IQANK1: variants seen among roughly 807,000 people sequenced by gnomAD.
The protein encoded by IQANK1 is IQ motif and ankyrin repeat domain-containing protein 1.
In IQANK1, 30 loss-of-function variants were observed where a neutral mutation model predicts 22.6. The observed-to-expected ratio is 1.33, with a 90% CI of 0.99 to 1.80. The LOEUF (loss-of-function observed/expected upper bound fraction) is 1.80, where lower values mean the gene tolerates loss of function less well. Among genes scored for constraint, IQANK1 ranks in the 40% most tolerant of loss-of-function variants. The pLI is 0.00. For missense variants in IQANK1, 275 were observed against 235.2 expected, an observed-to-expected ratio of 1.17 and a Z score of -1.11; for synonymous variants, 122 against 99.6, an observed-to-expected ratio of 1.23 and a Z score of -1.34.
rs1819649518 is a variant in IQANK1, at chr8:143,774,558, A to G, written c.789+2076A>G. 6.6e-6 allele frequency among the ~76,000 whole-genome samples: 1 copy of G among 152,110 alleles called. No individual in the cohort carries two copies. The highest frequency in any genetic ancestry group is 1.5e-5 in the Non-Finnish European group (1 of 68,018). On this transcript the variant is annotated intron_variant, in intron 7 of 13. Transcript: ENST00000527139. This position sits in a 1 kb window ranked among gnomAD's most constrained non-coding sequence, Gnocchi z 4.2. ...GGCCCTGCCACACCTTGCTGGGGGG[A>G]CGCAGCACCAGTACAGCCGCTCTTG...
intron 3 of IQANK1, among the ~76,000 whole-genome samples, chr8:143,749,412 TA>T (rs1252941903): frequency 1.5e-5 from 2 of 130,522 alleles, no homozygotes; most frequent in Non-Finnish European, 3.1e-5. Context: ...TCATATCATA[TA>T]TAATATATAC....
At chr8:143,747,910 GTCCTTTCCTTTCCTT>G (rs71318621) in intron 3 of IQANK1, among the ~76,000 whole-genome samples, 17,540 of 106,208 alleles carry the variant, frequency 0.17, 1,537 homozygotes, top group East Asian at 0.42. Context: ...ATTGTGTTAA[GTCCTTTCCTTTCCTT>G]TCCTTTCCTT....
chr8:143,772,736 T>G (rs1819605992), intron 7 of IQANK1, among the ~76,000 whole-genome samples: 1 of 152,220 alleles, frequency 6.6e-6, no homozygotes, highest in Non-Finnish European at 1.5e-5. Flanking sequence ...CTCGTCAGTC[T>G]GCAGTGGAAG....
chr8:143,753,674 C>T lies in IQANK1; in HGVS notation c.175+13726C>T, dbSNP rs948511767. The stretch of plus-strand genomic sequence containing the variant: ...TTCACCGTGTTGGCCAGGCTGTTCT[C>T]GAACTCCTGACCTCAGGTGACCTGC... On this transcript the variant is annotated intron_variant, in intron 3 of 13. Transcript: ENST00000527139. Among the ~76,000 whole-genome samples the T allele has an allele frequency of 1.4e-4, 21 of 151,918 alleles. 1 individual carries two copies. Among genetic ancestry groups the T allele is most frequent in the East Asian group, 3.9e-4 (2 of 5,146 alleles).
chr8:143,776,067 A>G (rs2129922168), intron 7 of IQANK1, among the ~76,000 whole-genome samples: 2 of 152,088 alleles, frequency 1.3e-5, no homozygotes, highest in South Asian at 4.1e-4. Context: ...CACGCCTGTA[A>G]TCCCAGCACT....
At chr8:143,773,928 G>A (rs1819634528) in intron 7 of IQANK1, among the ~76,000 whole-genome samples, 1 of 152,076 alleles carries the variant, frequency 6.6e-6, no homozygotes, top group Non-Finnish European at 1.5e-5. Flanking sequence ...GGCAGCAGCT[G>A]GGGGTGCTGG....
intron 7 of IQANK1, among the ~76,000 whole-genome samples, chr8:143,781,743 T>A (rs1261882491): frequency 6.6e-6 from 1 of 152,226 alleles, no homozygotes; most frequent in Non-Finnish European, 1.5e-5. Context: ...TGAAGCCGGG[T>A]AACACAATGC....
chr8:143,779,303 GA>G (rs1819750791), intron 7 of IQANK1, among the ~76,000 whole-genome samples: 1 of 152,082 alleles, frequency 6.6e-6, no homozygotes, highest in Admixed American at 6.6e-5. Context: ...AAAATTATGA[GA>G]AAGCAAAGAA....
intron 1 of IQANK1, among the ~76,000 whole-genome samples, chr8:143,734,975 C>G (rs1260852864): frequency 6.6e-6 from 1 of 152,188 alleles, no homozygotes; most frequent in East Asian, 1.9e-4. Flanking sequence ...ACCACCACCC[C>G]TCGCCCCTGC....
intron 3 of IQANK1, among the ~76,000 whole-genome samples, chr8:143,753,010 T>G (rs1439752416): frequency 2.9e-5 from 4 of 139,920 alleles, no homozygotes; most frequent in African/African-American, 1.1e-4. Flanking sequence ...TTTTTTTTTT[T>G]TTTTTTTTTT....
chr8:143,757,367 C>T (rs1207631635), intron 3 of IQANK1, among the ~76,000 whole-genome samples: 3 of 149,844 alleles, frequency 2.0e-5, no homozygotes, highest in Admixed American at 6.7e-5. Context: ...GACGGAGTCT[C>T]ACTCTGTCAC....
At chr8:143,747,168 C>T (rs371429445) in intron 3 of IQANK1, among the ~76,000 whole-genome samples, 1 of 152,218 alleles carries the variant, frequency 6.6e-6, no homozygotes, top group Non-Finnish European at 1.5e-5. Flanking sequence ...AGTGAGCCAC[C>T]GCGCCCGGCC....
At chr8:143,766,213 G>A (rs1819478107) in intron 3 of IQANK1, among the ~76,000 whole-genome samples, 1 of 152,158 alleles carries the variant, frequency 6.6e-6, no homozygotes, top group Admixed American at 6.5e-5. Context: ...GTGCATTCAG[G>A]TATGTTACTA....
At chr8:143,749,174 A>G (rs1482929955) in intron 3 of IQANK1, among the ~76,000 whole-genome samples, 1 of 124,116 alleles carries the variant, frequency 8.1e-6, no homozygotes, top group Non-Finnish European at 1.5e-5. Flanking sequence ...ATCAATATAT[A>G]TAATATATAA....
chr8:143,788,200 G>A (rs1424041559), intron 7 of IQANK1, among the ~76,000 whole-genome samples: 4 of 152,226 alleles, frequency 2.6e-5, no homozygotes, highest in Admixed American at 6.5e-5. Flanking sequence ...AGCCACCCAC[G>A]AACAGCTTCC....
intron 3 of IQANK1, among the ~76,000 whole-genome samples, chr8:143,757,289 A>G (rs1322965948): frequency 1.4e-4 from 22 of 151,966 alleles, no homozygotes; most frequent in Non-Finnish European, 2.8e-4. Context: ...AGGCCTGCAG[A>G]TACGCCCGGT....
intron 7 of IQANK1, among the ~76,000 whole-genome samples, chr8:143,775,335 TACACACACACACACACACAGACACAC>T (rs1289168549): frequency 4.7e-5 from 7 of 147,620 alleles, no homozygotes; most frequent in African/African-American, 1.8e-4. Flanking sequence ...CCAGGCATGC[TACACACACACACACACACAGACACAC>T]ACACACACAC....
chr8:143,779,864 C>A (rs1277637886), intron 7 of IQANK1, among the ~76,000 whole-genome samples: 2 of 152,192 alleles, frequency 1.3e-5, no homozygotes, highest in Non-Finnish European at 2.9e-5. Context: ...ATGAGTATCA[C>A]AATTTCTTTT....
chr8:143,766,198 C>T (rs782338776), intron 3 of IQANK1, among the ~76,000 whole-genome samples: 30 of 152,200 alleles, frequency 2.0e-4, no homozygotes, highest in Non-Finnish European at 3.4e-4. Flanking sequence ...TGGGTAGGCT[C>T]TTGTGTGCAT....
Sources: allele counts gnomAD v4.1 joint callset (sites outside exome capture counted in the v4.1 genomes callset), GRCh38; gene constraint gnomAD v4.1.1; non-coding constraint Gnocchi (gnomAD v3.1); transcripts MANE v1.5; gene names NCBI Gene and HGNC (gene_info 2026-07-23, HGNC 2026-07-21).